KIF6: variants seen among roughly 807,000 people sequenced by gnomAD.
The protein encoded by KIF6 is kinesin family member 6.
In KIF6, 106 loss-of-function variants were observed where a neutral mutation model predicts 112.7. That is an observed-to-expected ratio of 0.94 (90% CI 0.80 to 1.11). The LOEUF (loss-of-function observed/expected upper bound fraction) is 1.11. KIF6 is among the 50% of genes least tolerant of loss of function. The probability of loss-of-function intolerance (pLI) is 0.00; values close to 1 mark genes in which losing one functional copy is unlikely to be tolerated. For synonymous variants in KIF6, 339 were observed against 339.9 expected, an observed-to-expected ratio of 1.00 and a Z score of 0.03; for missense variants, 929 against 964.0, an observed-to-expected ratio of 0.96 and a Z score of 0.48.
intron 16 of KIF6, among the ~76,000 whole-genome samples, chr6:39,375,585 TTGGACGTTGGCACTC>T (rs1275528836): frequency 6.6e-6 from 1 of 152,196 alleles, no homozygotes; most frequent in Non-Finnish European, 1.5e-5. Flanking sequence ...TCTCCTGCCC[TTGGACGTTGGCACTC>T]TGGCACTCAG....
At chr6:39,537,017 G>T (rs1308667528) in intron 13 of KIF6, among the ~76,000 whole-genome samples, 10 of 152,064 alleles carry the variant, frequency 6.6e-5, no homozygotes, top group South Asian at 4.2e-4. Context: ...ATTCAACAAT[G>T]CTTCATGCTA....
intron 13 of KIF6, among the ~76,000 whole-genome samples, chr6:39,490,144 A>C (rs956281273): frequency 5.3e-5 from 8 of 152,302 alleles, no homozygotes; most frequent in African/African-American, 1.7e-4. Context: ...AGAGGAGACA[A>C]TGCATTATTT....
chr6:39,544,653 A>C lies in KIF6; in HGVS notation c.1328T>G (p.Val443Gly), dbSNP rs753126808. 1 of 1,609,318 alleles carries C rather than the reference A, an allele frequency of 6.2e-7. No individual in the cohort carries two copies. Among genetic ancestry groups the C allele is most frequent in the Non-Finnish European group, 8.5e-7 (1 of 1,178,312 alleles). ...ATCTTGGTCTTTGCTTTCAGAGGAG[A>C]CTGTATTGTTTTCAAGGATCTTCTT... ...NDKKILENNT[V>G]SSESKDQDCQ... The change falls in exon 12 of 23, where the codon GTC becomes GGC. Residue 443 changes from valine (V) to glycine (G), a missense_variant. This residue lies in a region of KIF6 where 688 missense variants were observed against 662.7 expected (regional missense o/e 1.04). Transcript: ENST00000287152.
At chr6:39,404,323 C>G (rs1337263799) in intron 15 of KIF6, among the ~76,000 whole-genome samples, 1 of 152,088 alleles carries the variant, frequency 6.6e-6, no homozygotes, top group Non-Finnish European at 1.5e-5. Flanking sequence ...GATCTATGAT[C>G]TGTTTTGACT....
intron 17 of KIF6, among the ~76,000 whole-genome samples, chr6:39,361,785 G>C (rs148874725): frequency 0.011 from 1,747 of 151,938 alleles, 38 homozygotes; most frequent in African/African-American, 0.035. Flanking sequence ...TCGGGGGGCA[G>C]GGGCGGTGGT....
chr6:39,513,304 G>A (rs914073118), intron 13 of KIF6, among the ~76,000 whole-genome samples: 1 of 152,082 alleles, frequency 6.6e-6, no homozygotes, highest in Non-Finnish European at 1.5e-5. Context: ...ACCCCCACGT[G>A]CCTAAGCCTG....
Position 39,540,055 on chromosome 6 carries a change from G to C in KIF6, c.1593C>G (p.Ala531=). 6.2e-7 allele frequency: 1 copy of C among 1,613,482 alleles called. No individual in the cohort carries two copies. Among genetic ancestry groups the C allele is most frequent in the Non-Finnish European group, 8.5e-7 (1 of 1,179,854 alleles). Residue 531 remains alanine, a synonymous_variant, in exon 13 of 23, where the codon GCC becomes GCG. Coordinates refer to ENST00000287152, the MANE Select transcript of KIF6 (RefSeq NM_145027.6). Reference sequence around the variant, plus strand: ...TTTTCCCCAAAATGCTGAAGTCCTGGGCCTGTGAGGGAGCTGAGGATAGTC... The same window carrying C: ...TTTTCCCCAAAATGCTGAAGTCCTGCGCCTGTGAGGGAGCTGAGGATAGTC... ...RMRLSSAPSQ[A]QDFSILGKRS... is the part of the protein sequence containing the mutation.
intron 15 of KIF6, among the ~76,000 whole-genome samples, chr6:39,407,206 G>T (rs901352025): frequency 1.3e-5 from 2 of 152,096 alleles, no homozygotes; most frequent in Non-Finnish European, 2.9e-5. Flanking sequence ...TTGAGCTGTG[G>T]TTTTTTAATT....
chr6:39,601,422 T>A (rs992121906), intron 6 of KIF6, among the ~76,000 whole-genome samples: 9 of 152,136 alleles, frequency 5.9e-5, no homozygotes, highest in Admixed American at 4.6e-4. Flanking sequence ...CAATCCTATC[T>A]ACATCACTGA....
intron 3 of KIF6, among the ~76,000 whole-genome samples, chr6:39,678,538 C>G (rs2113763798): frequency 6.6e-6 from 1 of 152,268 alleles, no homozygotes; most frequent in African/African-American, 2.4e-5. Context: ...CTCAACATTC[C>G]CACTGTGTTC....
At chr6:39,549,958 G>A (rs1361212521) in intron 10 of KIF6, among the ~76,000 whole-genome samples, 1 of 152,054 alleles carries the variant, frequency 6.6e-6, no homozygotes, top group Non-Finnish European at 1.5e-5. Flanking sequence ...GGAAGGAAAG[G>A]CATGAGGGAA....
chr6:39,633,038 C>T (rs1784439716), intron 5 of KIF6, among the ~76,000 whole-genome samples: 1 of 151,694 alleles, frequency 6.6e-6, no homozygotes, highest in African/African-American at 2.4e-5. Context: ...GATAAGTTTG[C>T]TGTCTAAGGA....
intron 16 of KIF6, among the ~76,000 whole-genome samples, chr6:39,380,549 G>GCACGCGCACACACACA (rs1766842042): frequency 6.6e-6 from 1 of 152,052 alleles, no homozygotes; most frequent in Non-Finnish European, 1.5e-5. Context: ...GTGTGCACAT[G>GCACGCGCACACACACA]CACGCGCACA....
chr6:39,602,188 G>C (rs906401783), intron 6 of KIF6, among the ~76,000 whole-genome samples: 2 of 152,032 alleles, frequency 1.3e-5, no homozygotes. Context: ...TTTAGGGCTT[G>C]TATCAAAAAT....
At chr6:39,538,726 C>G (rs930553609) in intron 13 of KIF6, among the ~76,000 whole-genome samples, 1 of 149,954 alleles carries the variant, frequency 6.7e-6, no homozygotes, top group African/African-American at 2.5e-5. Context: ...GGTATATACC[C>G]AAAGGACTAT....
chr6:39,725,080 G>C, intron 1 of KIF6, among the ~76,000 whole-genome samples, 165 bp downstream of exon 1: 1 of 152,194 alleles, frequency 6.6e-6, no homozygotes, highest in East Asian at 1.9e-4. Flanking sequence ...GTGCGCGGGG[G>C]TCTTCGCGGC....
chr6:39,337,408 G>T (rs1763093419), intron 22 of KIF6, among the ~76,000 whole-genome samples: 3 of 151,400 alleles, frequency 2.0e-5, no homozygotes, highest in South Asian at 2.1e-4. Flanking sequence ...TGCCTCCGGG[G>T]TTCAAGTGAT....
Position 39,725,164 on chromosome 6 carries a change from C to T in KIF6, c.66+81G>A, listed in dbSNP as rs2113920324. 3.1e-6 allele frequency: 4 copies of T among 1,272,564 alleles called. No individual in the cohort carries two copies. In the East Asian group the frequency reaches 7.6e-5, roughly 24 times the overall value. 78.8% of individuals were successfully genotyped at this position (1,272,564 alleles called of 1,614,324 possible). The stretch of plus-strand genomic sequence containing the variant: ...CCCACCAGCAAGCCCCTCACCTCCG[C>T]CCAGCCCCTTCGCGTGCCGCCGCCC... On this transcript the variant is annotated intron_variant, in intron 1 of 22. Coordinates refer to ENST00000287152, the MANE Select transcript of KIF6 (RefSeq NM_145027.6).
chr6:39,687,686 G>A (rs570799326), intron 3 of KIF6, among the ~76,000 whole-genome samples: 1 of 152,270 alleles, frequency 6.6e-6, no homozygotes, highest in African/African-American at 2.4e-5. Context: ...TGTAATAACT[G>A]TGTTATACAT....
Sources: gnomAD v4.1 joint callset for allele counts (sites outside exome capture counted in the v4.1 genomes callset) on GRCh38, gnomAD v4.1.1 for gene constraint, gnomAD v4.1.1 regional missense constraint, MANE v1.5 for transcripts, NCBI Gene and HGNC (gene_info 2026-07-23, HGNC 2026-07-21) for gene names.